Variants in FAM3B observed in about 807,000 individuals in gnomAD.
FAM3B encodes FAM3 metabolism regulating signaling molecule B.
A neutral mutation model predicts 28.4 loss-of-function variants in FAM3B; 29 were observed. The ratio of observed to expected loss-of-function variants is 1.02; its 90% CI spans 0.76 to 1.39. FAM3B has a LOEUF of 1.39. Among genes scored for constraint, FAM3B ranks in the 40% most tolerant of loss-of-function variants. The pLI is 0.00. For synonymous variants in FAM3B, 91 were observed against 103.0 expected, an observed-to-expected ratio of 0.88 and a Z score of 0.71; for missense variants, 266 against 293.9, an observed-to-expected ratio of 0.91 and a Z score of 0.69.
chr21:41,340,571 C>G (rs2088996931), intron 3 of FAM3B, among the ~76,000 whole-genome samples: 1 of 152,140 alleles, frequency 6.6e-6, no homozygotes. Flanking sequence ...AATGCTATTT[C>G]CACATGAGTT....
At chr21:41,310,916 G>A (rs547273012) in intron 1 of FAM3B, among the ~76,000 whole-genome samples, 8 of 151,908 alleles carry the variant, frequency 5.3e-5, no homozygotes, top group Non-Finnish European at 1.0e-4. Context: ...CCCATTTCAC[G>A]TATTTTTTTA....
upstream of FAM3B, among the ~76,000 whole-genome samples, chr21:41,312,179 T>G (rs913727552): frequency 6.6e-6 from 1 of 152,246 alleles, no homozygotes; most frequent in Non-Finnish European, 1.5e-5. Flanking sequence ...GATATTATTA[T>G]TTGATACTGT....
chr21:41,304,420 C>T lies in FAM3B; in HGVS notation n.99+110C>T, dbSNP rs1450514086. ...CGAGGGAGTCGCCCCCGAAGGGCCC[C>T]AGGTTGCCTGCACCGGCGGTTTCCC... On this transcript the variant is annotated intron_variant and non_coding_transcript_variant, in intron 1 of 9. Transcript: ENST00000479810. 8 of 387,768 alleles carry T rather than the reference C, an allele frequency of 2.1e-5. No individual in the cohort carries two copies. The East Asian group carries it at 6.1e-4, about 30-fold the overall frequency. The allele number at this position is 387,768 out of a possible 1,614,324, so 24.0% of individuals were successfully genotyped here. A position where few individuals can be genotyped will look rare whatever the true frequency, so the allele number is the denominator to read the frequency against.
chr21:41,325,295 T>C (rs1839933541), intron 2 of FAM3B, among the ~76,000 whole-genome samples: 1 of 152,188 alleles, frequency 6.6e-6, no homozygotes. Flanking sequence ...TTCTGGTCTT[T>C]GGTTTTTGCG....
upstream of FAM3B, among the ~76,000 whole-genome samples, chr21:41,312,908 G>A (rs1172279760): frequency 3.3e-5 from 5 of 152,256 alleles, no homozygotes; most frequent in Admixed American, 2.0e-4. Flanking sequence ...ATGGGGCAGA[G>A]AAGAAGCAAG....
intron 7 of FAM3B, among the ~76,000 whole-genome samples, chr21:41,349,168 G>A (rs975552841): frequency 2.4e-4 from 37 of 152,198 alleles, no homozygotes; most frequent in Non-Finnish European, 3.8e-4. Flanking sequence ...AACTGGGCAC[G>A]TGATTGATTC....
intron 1 of FAM3B, among the ~76,000 whole-genome samples, chr21:41,310,425 G>T (rs1175602909): frequency 6.6e-6 from 1 of 152,054 alleles, no homozygotes; most frequent in Admixed American, 6.5e-5. Context: ...TCATTTTCTG[G>T]ATCTTTGCAC....
intron 1 of FAM3B, among the ~76,000 whole-genome samples, chr21:41,318,390 C>T (rs1294595520): frequency 3.3e-4 from 50 of 152,202 alleles, no homozygotes; most frequent in Non-Finnish European, 2.9e-5. Flanking sequence ...GCCATGCCTT[C>T]GCCTGCAGGG....
In FAM3B at chr21:41,326,615, C is replaced by T. The variant is rs866109752; in HGVS notation, c.163+3549C>T. On this transcript the variant is annotated intron_variant, in intron 2 of 7. Transcript: ENST00000357985. This position sits in a 1 kb window ranked among gnomAD's most constrained non-coding sequence, Gnocchi z 4.0. ...TGGCTGACGGGCTGCCAGGCCCTGGCGTGGGGACCTGCTCGTTCTGCTGCC... is the reference window on the plus strand; with the variant it reads ...TGGCTGACGGGCTGCCAGGCCCTGGTGTGGGGACCTGCTCGTTCTGCTGCC... Among the ~76,000 whole-genome samples, 1 of 152,356 alleles carries T rather than the reference C, an allele frequency of 6.6e-6. No individual in the cohort carries two copies. The highest frequency in any genetic ancestry group is 2.4e-5 in the African/African-American group (1 of 41,594).
intron 1 of FAM3B, chr21:41,321,107 C>T (rs1601350459): frequency 1.3e-5 from 2 of 152,194 alleles, no homozygotes; most frequent in East Asian, 1.9e-4. Flanking sequence ...TCTCCAAATA[C>T]AACACTTGGA....
At chr21:41,317,398 G>A (rs2088759850) in intron 1 of FAM3B, among the ~76,000 whole-genome samples, 1 of 152,136 alleles carries the variant, frequency 6.6e-6, no homozygotes, top group African/African-American at 2.4e-5. Context: ...CAAACGACTT[G>A]ACACTGTGGA....
At chr21:41,316,660 CA>C, upstream of FAM3B, 1 of 310,566 alleles carries the variant, frequency 3.2e-6, no homozygotes, top group Non-Finnish European at 5.8e-6. Context: ...CTCCCGGGCA[CA>C]GCCCGGGGCA....
At chr21:41,322,574 T>C (rs1190559516) in intron 1 of FAM3B, 1 of 712,340 alleles carries the variant, frequency 1.4e-6, no homozygotes, top group Non-Finnish European at 2.6e-6. Flanking sequence ...AATGAGGCGC[T>C]TTTGTTTTTT....
intron 3 of FAM3B, among the ~76,000 whole-genome samples, chr21:41,342,936 C>T (rs2089021177): frequency 6.6e-6 from 1 of 152,190 alleles, no homozygotes. Context: ...ATGATATCTT[C>T]TTCTGAGGAA....
chr21:41,304,266 G>A (rs1438180501), exon 1 of FAM3B: 1 of 456,170 alleles, frequency 2.2e-6, no homozygotes, highest in South Asian at 1.5e-5. Flanking sequence ...GGGGCACCCT[G>A]GCGCCATCTT....
At chr21:41,336,043 C>T (rs1215581367) in intron 2 of FAM3B, among the ~76,000 whole-genome samples, 3 of 152,112 alleles carry the variant, frequency 2.0e-5, no homozygotes, top group African/African-American at 4.8e-5. Flanking sequence ...GACATGAAGA[C>T]TTATGAATGG....
chr21:41,328,860 G>T (rs11911807), intron 2 of FAM3B, among the ~76,000 whole-genome samples: 4,342 of 152,240 alleles, frequency 0.029, 196 homozygotes, highest in African/African-American at 0.098. Context: ...ACCTACTGGG[G>T]ACGGAGGACT....
rs201008538 is a variant in FAM3B at position 41,340,569 on chromosome 21, T to A, written c.287+2068T>A. Among the ~76,000 whole-genome samples the A allele has an allele frequency of 3.3e-5, 5 of 152,310 alleles. No individual in the cohort carries two copies. The East Asian group carries it at 5.8e-4, about 18-fold the overall frequency. ...TAAATGTCCCACCTCTTAATGCTAT[T>A]TCCACATGAGTTTGAGAGGTAACAA... On this transcript the variant is annotated intron_variant, in intron 3 of 7. Transcript: ENST00000357985.
chr21:41,343,656 T>C (rs913448541), intron 3 of FAM3B, among the ~76,000 whole-genome samples: 2 of 152,248 alleles, frequency 1.3e-5, no homozygotes, highest in African/African-American at 4.8e-5. Context: ...ATGTCATTGA[T>C]TCTGACACTT....
Sources: allele counts gnomAD v4.1 joint callset (sites outside exome capture counted in the v4.1 genomes callset), GRCh38; gene constraint gnomAD v4.1.1; non-coding constraint Gnocchi (gnomAD v3.1); transcripts MANE v1.5; gene names NCBI Gene and HGNC (gene_info 2026-07-23, HGNC 2026-07-21).